The following JADE3 variants were observed in gnomAD, a reference collection of about 807,000 sequenced individuals.
The protein encoded by JADE3 is jade family PHD finger 3.
In JADE3, 2 loss-of-function variants were observed where a neutral mutation model predicts 50.1. The observed-to-expected ratio is 0.04, with a 90% CI of 0.02 to 0.13. The LOEUF (loss-of-function observed/expected upper bound fraction) is 0.13. JADE3 is among the 10% of genes least tolerant of loss of function. The pLI is 1.00. For missense variants in JADE3, 475 were observed against 634.4 expected, an observed-to-expected ratio of 0.75 and a Z score of 2.70; for synonymous variants, 218 against 232.9, an observed-to-expected ratio of 0.94 and a Z score of 0.58.
At chrX:46,957,268 A>C (rs975649507) in intron 1 of JADE3, among the ~76,000 whole-genome samples, 12 of 90,261 alleles carry the variant, frequency 1.3e-4, no homozygotes, top group African/African-American at 4.9e-4. Context: ...TATAAACGAT[A>C]TATAGATTTG....
intron 1 of JADE3, among the ~76,000 whole-genome samples, chrX:46,917,860 T>C (rs1926134015): frequency 2.0e-5 from 1 of 50,891 alleles, no homozygotes; most frequent in African/African-American, 8.5e-5. Flanking sequence ...TCTCTCATCC[T>C]CTCTCTCTCT....
At chrX:46,950,868 T>C (rs1926986582) in intron 1 of JADE3, among the ~76,000 whole-genome samples, 1 of 110,721 alleles carries the variant, frequency 9.0e-6, no homozygotes, top group Non-Finnish European at 1.9e-5. Context: ...GTTTAGGTTT[T>C]GTATATTCTT....
intron 4 of JADE3, among the ~76,000 whole-genome samples, chrX:46,998,521 C>G (rs1222162881): frequency 1.8e-5 from 2 of 110,255 alleles, no homozygotes; most frequent in Non-Finnish European, 3.8e-5. Flanking sequence ...GAAGTCCAAT[C>G]TGAAATTATG....
rs369796543 is a variant in JADE3, at chrX:46,966,104, AC to A, written c.-11-18779del. ...GGAAGATTATTTTAGAGGTTAACTGACAGGGCTTAATAATTGATTGGATGTT... is the reference window on the plus strand; with the variant it reads ...GGAAGATTATTTTAGAGGTTAACTGAAGGGCTTAATAATTGATTGGATGTT... On this transcript the variant is annotated intron_variant, in intron 1 of 10. Coordinates refer to ENST00000614628, the MANE Select transcript of JADE3 (RefSeq NM_014735.5). Among the ~76,000 whole-genome samples, 22 of 112,098 alleles carry A rather than the reference AC, an allele frequency of 2.0e-4. 1 individual carries two copies. The highest frequency in any genetic ancestry group is 6.5e-4 in the African/African-American group (20 of 30,862).
intron 1 of JADE3, among the ~76,000 whole-genome samples, chrX:46,951,727 G>A (rs946150810): frequency 4.7e-5 from 5 of 106,561 alleles, no homozygotes; most frequent in African/African-American, 6.9e-5. Context: ...TCTTTTTTTC[G>A]TTTAGATTGG....
intron 3 of JADE3, among the ~76,000 whole-genome samples, chrX:46,992,413 A>T (rs1471107271): frequency 4.9e-5 from 4 of 80,963 alleles, no homozygotes; most frequent in Non-Finnish European, 8.9e-5. Flanking sequence ...TCATATTCTC[A>T]TATCAGTCCC....
At chrX:46,938,678 C>T (rs1556341670) in intron 1 of JADE3, among the ~76,000 whole-genome samples, 1 of 112,446 alleles carries the variant, frequency 8.9e-6, no homozygotes, top group African/African-American at 3.2e-5. Flanking sequence ...TACCAATTGT[C>T]TGAAGAACAT....
At chrX:46,932,695 T>A (rs1926522990) in intron 1 of JADE3, among the ~76,000 whole-genome samples, 1 of 112,082 alleles carries the variant, frequency 8.9e-6, no homozygotes, top group Non-Finnish European at 1.9e-5. Flanking sequence ...GCTAGCACCT[T>A]CAAATACCTT....
intron 1 of JADE3, among the ~76,000 whole-genome samples, chrX:46,952,035 A>G (rs1470192815): frequency 1.8e-5 from 2 of 111,376 alleles, no homozygotes; most frequent in Non-Finnish European, 3.8e-5. Flanking sequence ...GGTAGCTGAA[A>G]CTATAGGTGC....
intron 8 of JADE3, among the ~76,000 whole-genome samples, chrX:47,045,846 A>G (rs1438032450): frequency 1.8e-5 from 2 of 110,865 alleles, no homozygotes; most frequent in African/African-American, 6.5e-5. Context: ...TTGAAACAAA[A>G]AAAAAAAAAT....
chrX:47,028,728 G>T (rs1350206638), intron 6 of JADE3, among the ~76,000 whole-genome samples: 3 of 110,939 alleles, frequency 2.7e-5, no homozygotes, highest in South Asian at 3.8e-4. Flanking sequence ...TAATAATGAT[G>T]ATTATGATAT....
chrX:46,984,054 G>A (rs1484284890), intron 1 of JADE3, among the ~76,000 whole-genome samples: 3 of 111,920 alleles, frequency 2.7e-5, no homozygotes, highest in Admixed American at 1.9e-4. Flanking sequence ...TGTATGTTGT[G>A]GCACATAAAA....
chrX:46,955,063 G>A (rs955856502), intron 1 of JADE3, among the ~76,000 whole-genome samples: 1 of 112,439 alleles, frequency 8.9e-6, no homozygotes, highest in Non-Finnish European at 1.9e-5. Context: ...TACTCCTATT[G>A]AAATCCCTTA....
chrX:46,943,711 G>T (rs1926818925), intron 1 of JADE3, among the ~76,000 whole-genome samples: 1 of 111,673 alleles, frequency 9.0e-6, no homozygotes, highest in African/African-American at 3.3e-5. Context: ...TTATCAGGAT[G>T]ATGTTGGCTT....
At chrX:46,951,614 C>G (rs1338753336) in intron 1 of JADE3, among the ~76,000 whole-genome samples, 2 of 103,936 alleles carry the variant, frequency 1.9e-5, no homozygotes, top group Non-Finnish European at 3.9e-5. Context: ...TCATCACACT[C>G]TTTTTCGTCT....
At position 46,935,645 on chromosome X, in the gene JADE3, G is replaced by T. The variant is rs1322781875; in HGVS notation, c.-12+22926G>T. On this transcript the variant is annotated intron_variant, in intron 1 of 10. Coordinates refer to ENST00000614628, the MANE Select transcript of JADE3 (RefSeq NM_014735.5). Reference sequence around the variant, plus strand: ...ATCTAATACCTGATGATCTGAGATGGAACAGTTTCATCTGGAAAATCATCC... The same window carrying T: ...ATCTAATACCTGATGATCTGAGATGTAACAGTTTCATCTGGAAAATCATCC... Among the ~76,000 whole-genome samples the T allele has an allele frequency of 2.7e-5, 3 of 110,267 alleles. No homozygotes were observed. The East Asian group carries it at 8.5e-4, about 31-fold the overall frequency.
intron 4 of JADE3, among the ~76,000 whole-genome samples, chrX:47,011,168 A>G (rs1262233786): frequency 1.8e-5 from 2 of 112,361 alleles, no homozygotes; most frequent in Non-Finnish European, 3.8e-5. Context: ...TTGAGTTCAT[A>G]ACAACCACTA....
intron 7 of JADE3, among the ~76,000 whole-genome samples, 163 bp from the exon 8 acceptor site, chrX:47,038,786 G>A (rs1929191791): frequency 9.0e-6 from 1 of 111,263 alleles, no homozygotes; most frequent in Non-Finnish European, 1.9e-5. Context: ...ACTGAGCAGT[G>A]GAAATAAGTT....
intron 1 of JADE3, among the ~76,000 whole-genome samples, chrX:46,914,547 G>T (rs1303748782): frequency 8.9e-6 from 1 of 112,188 alleles, no homozygotes; most frequent in Non-Finnish European, 1.9e-5. Flanking sequence ...TGAGACCGTT[G>T]AGAAGTGTTT....
Sources: gnomAD v4.1 joint callset for allele counts (sites outside exome capture counted in the v4.1 genomes callset) on GRCh38, gnomAD v4.1.1 for gene constraint, MANE v1.5 for transcripts, NCBI Gene and HGNC (gene_info 2026-07-23, HGNC 2026-07-21) for gene names.